TMPRSS7: variants seen among roughly 807,000 people sequenced by gnomAD.
TMPRSS7 encodes transmembrane protease serine 7.
A neutral mutation model predicts 95.6 loss-of-function variants in TMPRSS7; 81 were observed. That is an observed-to-expected ratio of 0.85 (90% CI 0.71 to 1.02). The LOEUF (loss-of-function observed/expected upper bound fraction) is 1.02, where lower values mean the gene tolerates loss of function less well. TMPRSS7 is among the 50% of genes least tolerant of loss of function. The pLI is 0.00. For synonymous variants in TMPRSS7, 364 were observed against 337.8 expected (o/e 1.08, Z -0.85); for missense variants, 945 against 955.2 (o/e 0.99, Z 0.14).
chr3:112,044,065 A>G (rs2073245518), intron 3 of TMPRSS7, among the ~76,000 whole-genome samples, 190 bp from the exon 4 acceptor site: 1 of 152,228 alleles, frequency 6.6e-6, no homozygotes. Context: ...AAAGTAAGTC[A>G]CTCAAGATTG....
intron 9 of TMPRSS7, 130 bp downstream of exon 9, chr3:112,050,913 T>G (rs2073340058): frequency 1.9e-6 from 1 of 521,336 alleles, no homozygotes; most frequent in South Asian, 3.5e-5. Context: ...TTGAAATATA[T>G]TATTTAGAAT....
exon 17 of TMPRSS7, chr3:112,078,761 T>C: frequency 6.2e-7 from 1 of 1,614,242 alleles, no homozygotes; most frequent in Non-Finnish European, 8.5e-7. Context: ...GCTCCCTCGT[T>C]CTGCAGCAAG....
At chr3:112,065,784 T>A (rs770824701) in intron 12 of TMPRSS7, among the ~76,000 whole-genome samples, 1 of 152,238 alleles carries the variant, frequency 6.6e-6, no homozygotes, top group Non-Finnish European at 1.5e-5. Flanking sequence ...GTTGCTGGTC[T>A]AAAAGCAATT....
At chr3:112,052,251 C>A (rs554223167) in intron 9 of TMPRSS7, among the ~76,000 whole-genome samples, 17 of 151,922 alleles carry the variant, frequency 1.1e-4, no homozygotes, top group Admixed American at 3.3e-4. Context: ...GGGACATTTG[C>A]GGATAAACCT....
At chr3:112,065,543 G>GT (rs1181434710) in intron 12 of TMPRSS7, among the ~76,000 whole-genome samples, 3 of 152,024 alleles carry the variant, frequency 2.0e-5, no homozygotes, top group Admixed American at 1.3e-4. Context: ...AATAAGGACT[G>GT]TTTTTTGGTA....
chr3:112,047,128 T>C, intron 6 of TMPRSS7, 116 bp downstream of exon 6: 1 of 665,162 alleles, frequency 1.5e-6, no homozygotes, highest in South Asian at 1.7e-5. Context: ...GTGACAGAAA[T>C]GCATTCAAAC....
intron 12 of TMPRSS7, among the ~76,000 whole-genome samples, chr3:112,064,644 C>A (rs934623866): frequency 2.0e-5 from 3 of 151,914 alleles, no homozygotes; most frequent in Non-Finnish European, 2.9e-5. Flanking sequence ...ATTACAGGCA[C>A]GAGCCACTGC....
At chr3:112,042,261 T>TA (rs986584811) in intron 3 of TMPRSS7, among the ~76,000 whole-genome samples, 19 of 151,680 alleles carry the variant, frequency 1.3e-4, no homozygotes, top group Admixed American at 4.6e-4. Context: ...TGCTCCAATG[T>TA]AAAAAAAAGA....
intron 13 of TMPRSS7, among the ~76,000 whole-genome samples, chr3:112,069,302 T>C (rs2073613305): frequency 6.6e-6 from 1 of 151,646 alleles, no homozygotes; most frequent in Non-Finnish European, 1.5e-5. Flanking sequence ...TTGTTGTGTC[T>C]CTGCCAGGCT....
intron 14 of TMPRSS7, 53 bp downstream of exon 14, chr3:112,074,465 GT>G (rs2073689474): frequency 7.2e-7 from 1 of 1,387,084 alleles, no homozygotes; most frequent in Admixed American, 1.9e-5. Context: ...CAGTTTACCT[GT>G]TTGTTATATT....
rs572291797 is a variant in TMPRSS7, at chr3:112,045,750, C to G, written c.498C>G (p.Ser166Arg). The stretch of plus-strand genomic sequence containing the variant: ...GATGATCTCTCTTTTTTCGTTATAG[C>G]AGCAACAACAAAGGCGGCCTCCTTG... Residue 166 changes from serine to arginine, a missense_variant and splice_region_variant, in exon 5 of 18, where the codon AGC (serine) becomes AGG (arginine). Physicochemically the swap from Ser to Arg is moderately radical, Grantham distance 110. Transcript: ENST00000452346. 23 of 1,542,940 alleles carry G rather than the reference C, an allele frequency of 1.5e-5. No individual in the cohort carries two copies. The East Asian group carries it at 3.9e-4, about 26-fold the overall frequency.
chr3:112,047,902 C>T, exon 7 of TMPRSS7: 1 of 1,609,750 alleles, frequency 6.2e-7, no homozygotes, highest in Non-Finnish European at 8.5e-7. Flanking sequence ...AAGCCGACAA[C>T]TGTGTCACTG....
chr3:112,061,996 T>C (rs947051260), intron 11 of TMPRSS7, 73 bp downstream of exon 11: 2 of 1,262,898 alleles, frequency 1.6e-6, no homozygotes, highest in Non-Finnish European at 2.1e-6. Flanking sequence ...TTCCAAACCG[T>C]GAGAATTTAA....
chr3:112,038,110 G>C, exon 2 of TMPRSS7: 1 of 702,360 alleles, frequency 1.4e-6, no homozygotes, highest in South Asian at 1.5e-5. Context: ...GTGCCCAAAA[G>C]AAGCTGCCAG....
At chr3:112,072,140 G>A (rs1004369036) in intron 13 of TMPRSS7, among the ~76,000 whole-genome samples, 11 of 150,760 alleles carry the variant, frequency 7.3e-5, no homozygotes, top group African/African-American at 2.7e-4. Context: ...TGGTGTAGAT[G>A]TCCCTTTTGT....
chr3:112,050,540 C>CAAATTTTAA, intron 8 of TMPRSS7, 131 bp from the exon 9 acceptor site: 2 of 181,914 alleles, frequency 1.1e-5, no homozygotes, highest in Non-Finnish European at 1.9e-5. Context: ...AAAAAAAAAC[C>CAAATTTTAA]CAAAGTTTAA....
downstream of TMPRSS7, chr3:112,081,188 G>T (rs148130890): frequency 0.021 from 23,687 of 1,147,726 alleles, 822 homozygotes; most frequent in South Asian, 0.1. Flanking sequence ...ATCCCAGCAC[G>T]TTGGGAGGCC....
chr3:112,046,248 A>G (rs2073276750), intron 5 of TMPRSS7, among the ~76,000 whole-genome samples: 1 of 152,202 alleles, frequency 6.6e-6, no homozygotes, highest in Admixed American at 6.5e-5. Flanking sequence ...ACAAAACCCT[A>G]GACAAGGAAG....
At chr3:112,075,523 G>T in intron 15 of TMPRSS7, 31 bp downstream of exon 15, 1 of 1,380,298 alleles carries the variant, frequency 7.2e-7, no homozygotes. Context: ...CTTTCAAGTG[G>T]CACTCTGTGG....
Sources: gnomAD v4.1 joint callset for allele counts (sites outside exome capture counted in the v4.1 genomes callset) on GRCh38, gnomAD v4.1.1 for gene constraint, MANE v1.5 for transcripts, NCBI Gene and HGNC (gene_info 2026-07-23, HGNC 2026-07-21) for gene names.